DSG1: variants seen among roughly 807,000 people sequenced by gnomAD.
The protein encoded by DSG1 is desmoglein 1.
A neutral mutation model predicts 97.5 loss-of-function variants in DSG1; 39 were observed. The ratio of observed to expected loss-of-function variants is 0.40; its 90% CI spans 0.31 to 0.52. DSG1 has a LOEUF of 0.52. Among genes scored for constraint, DSG1 ranks in the 20% least tolerant of loss-of-function variants. DSG1 has a pLI of 0.53. For missense variants in DSG1, 1,311 were observed against 1,295.4 expected (o/e 1.01, Z -0.18); for synonymous variants, 475 against 443.4 (o/e 1.07, Z -0.90).
intron 9 of DSG1, among the ~76,000 whole-genome samples, chr18:31,337,120 A>G (rs1568043374): frequency 6.6e-6 from 1 of 152,246 alleles, no homozygotes; most frequent in South Asian, 2.1e-4. Flanking sequence ...ATATATGCAG[A>G]TATTTCTACC....
chr18:31,354,346 G>C lies in DSG1; in HGVS notation c.2150G>C (p.Cys717Ser). ...DEDEGRPSND[C>S]LLIYDIEGVG... ...GATGAAGGACGCCCATCTAATGACT[G>C]TTTGCTCATATATGACATCGAAGGT... Residue 717 changes from cysteine (C) to serine (S), a missense_variant, in exon 15 of 15, where the codon TGT becomes TCT. Cys to Ser is a moderately radical substitution (Grantham distance 112, BLOSUM62 -1). Coordinates refer to ENST00000257192, the MANE Select transcript of DSG1 (RefSeq NM_001942.4). 6.2e-7 allele frequency: 1 copy of C among 1,614,226 alleles called. No individual in the cohort carries two copies.
intron 1 of DSG1, 33 bp downstream of exon 1, chr18:31,318,381 C>G: frequency 6.3e-7 from 1 of 1,582,100 alleles, no homozygotes; most frequent in Non-Finnish European, 8.7e-7. Context: ...CCTTCATAAT[C>G]GTGCCCATTG....
chr18:31,341,362 T>G (rs2071787600), intron 11 of DSG1, among the ~76,000 whole-genome samples: 1 of 152,342 alleles, frequency 6.6e-6, no homozygotes, highest in South Asian at 2.1e-4. Context: ...TACTTTCATT[T>G]TTCTTGGCAC....
rs868433988 is a variant in DSG1, at chr18:31,343,494, C to T, written c.1732C>T (p.Arg578Cys). The change falls in exon 12 of 15, where the codon CGT becomes TGT. Residue 578 changes from arginine (R) to cysteine (C), a missense_variant. Physicochemically the swap from Arg to Cys is radical, Grantham distance 180. Transcript: ENST00000257192. ...MICCDCGGAPRSAAGFEPVPE... is the reference protein window; with the variant it reads ...MICCDCGGAPCSAAGFEPVPE... ...CTGTTGTGATTGTGGAGGTGCTCCT[C>T]GTAGTGCAGCTGGCTTTGAGCCTGT... 3.7e-6 allele frequency: 6 copies of T among 1,614,118 alleles called. No homozygotes were observed. In the Admixed American group the frequency reaches 5.0e-5, roughly 13 times the overall value.
intron 11 of DSG1, among the ~76,000 whole-genome samples, chr18:31,342,906 T>A (rs2144106082): frequency 6.6e-6 from 1 of 150,992 alleles, no homozygotes; most frequent in South Asian, 2.1e-4. Context: ...TGATTTTTTT[T>A]TTTTTTTTTT....
chr18:31,354,639 C>T lies in DSG1; in HGVS notation c.2443C>T (p.Pro815Ser), dbSNP rs778980591. 4 of 1,614,166 alleles carry T rather than the reference C, an allele frequency of 2.5e-6. No homozygotes were observed. The highest frequency in any genetic ancestry group is 2.5e-6 in the Non-Finnish European group (3 of 1,180,030). ...CACAGTAATTTCTGAGAGCACCTAT[C>T]CCTCGGGACCTGGTGTACTGCATCC... ...TTTVISESTY[P>S]SGPGVLHPKP... The change falls in exon 15 of 15, where the codon CCC becomes TCC. Residue 815 changes from proline (P) to serine (S), a missense_variant. This residue lies in a region of DSG1 where 1,038 missense variants were observed against 964.6 expected (regional missense o/e 1.08). Transcript: ENST00000257192.
intron 1 of DSG1, among the ~76,000 whole-genome samples, chr18:31,323,539 C>A (rs757555940): frequency 1.3e-5 from 2 of 152,158 alleles, no homozygotes; most frequent in South Asian, 2.1e-4. Context: ...CCTATCACAA[C>A]ACTTCTATGA....
At chr18:31,322,552 A>C (rs1178365633) in intron 1 of DSG1, among the ~76,000 whole-genome samples, 1 of 152,230 alleles carries the variant, frequency 6.6e-6, no homozygotes, top group Non-Finnish European at 1.5e-5. Context: ...AAATTAGAGA[A>C]TTCAACCCAT....
At chr18:31,333,949 G>A (rs2071736048) in intron 7 of DSG1, 68 bp from the exon 8 acceptor site, 1 of 1,238,950 alleles carries the variant, frequency 8.1e-7, no homozygotes, top group Admixed American at 1.7e-5. Flanking sequence ...CAACATTCCA[G>A]TATAAGCCTA....
At position 31,334,153 on chromosome 18, in the gene DSG1, A is replaced by C. The variant is rs770099337; in HGVS notation, c.956A>C (p.Glu319Ala). ...FISGNEGNWF[E>A]IEMNERTNVG... ...TCTGGAAATGAAGGAAATTGGTTTG[A>C]GATAGAAATGAATGAAAGAACAAAT... Residue 319 changes from glutamate (E) to alanine (A), a missense_variant, in exon 8 of 15, where the codon GAG becomes GCG. This residue lies in a region of DSG1 where 1,038 missense variants were observed against 964.6 expected (regional missense o/e 1.08). Transcript: ENST00000257192. 3 of 1,609,036 alleles carry C rather than the reference A, an allele frequency of 1.9e-6. No homozygotes were observed. The East Asian group carries it at 6.7e-5, about 36-fold the overall frequency.
chr18:31,334,829 C>A (rs1383837075), intron 8 of DSG1, among the ~76,000 whole-genome samples: 1 of 152,046 alleles, frequency 6.6e-6, no homozygotes, highest in Non-Finnish European at 1.5e-5. Context: ...TCCACATTTA[C>A]CTGCAGTAAA....
Position 31,355,319 on chromosome 18 carries a change from G to C in DSG1, c.3123G>C (p.Lys1041Asn), listed in dbSNP as rs367940291. 2 of 1,614,072 alleles carry C rather than the reference G, an allele frequency of 1.2e-6. No homozygotes were observed. Among genetic ancestry groups the C allele is most frequent in the African/African-American group, 2.7e-5 (2 of 74,914 alleles). ...GCACAGCTCGAAGTCGAATCACAAA[G>C]TATAGTACCGTGCAATATAGCAAGT... ...SPSTARSRITKYSTVQYSK is the reference protein window; with the variant it reads ...SPSTARSRITNYSTVQYSK Residue 1041 changes from lysine to asparagine, a missense_variant, in exon 15 of 15, where the codon AAG becomes AAC. Transcript: ENST00000257192.
intron 14 of DSG1, among the ~76,000 whole-genome samples, chr18:31,350,839 T>G (rs1314587024): frequency 6.6e-6 from 1 of 151,380 alleles, no homozygotes; most frequent in Non-Finnish European, 1.5e-5. Flanking sequence ...TTTTATTGCA[T>G]CTATTTGATT....
intron 4 of DSG1, 66 bp from the exon 5 acceptor site, chr18:31,329,826 A>G: frequency 2.5e-6 from 4 of 1,570,246 alleles, no homozygotes; most frequent in Non-Finnish European, 1.7e-6. Flanking sequence ...TGCTAGCATA[A>G]TGCTCAAAGT....
rs1228271260 is a variant in DSG1, at chr18:31,356,356, A to G, written c.*1010A>G. On this transcript the variant is annotated 3_prime_UTR_variant, in exon 15 of 15. Transcript: ENST00000257192. ...ATTACATAGCTCTGAAGTTAAAATG[A>G]TTTACATAGGCCGAGCTGTGGACAA... 6.6e-6 allele frequency: 1 copy of G among 151,964 alleles called. No homozygotes were observed. The highest frequency in any genetic ancestry group is 2.4e-5 in the African/African-American group (1 of 41,378). The allele number at this position is 151,964 out of a possible 1,614,324, so 9.4% of individuals were successfully genotyped here.
At position 31,318,568 on chromosome 18, in the gene DSG1, A is replaced by G. The variant is rs11874870; in HGVS notation, c.48+220A>G. On this transcript the variant is annotated intron_variant, in intron 1 of 14. Transcript: ENST00000257192. Reference sequence around the variant, plus strand: ...CCTCAGTGTCAACTCATTGTATTACATCTCTGACACTGAAGTCATTGCTAA... The same window carrying G: ...CCTCAGTGTCAACTCATTGTATTACGTCTCTGACACTGAAGTCATTGCTAA... Among the ~76,000 whole-genome samples, 1,176 of 152,282 alleles carry G rather than the reference A, an allele frequency of 7.7e-3. 16 individuals are homozygous for G. The highest frequency in any genetic ancestry group is 0.027 in the African/African-American group (1,102 of 41,552).
chr18:31,318,192 C>A lies in DSG1; in HGVS notation c.-109C>A. ...CCTCAAAGCCTGCATGTAAGAACATCTACTGAGAAATTATTTTAATCAGAC... is the reference window on the plus strand; with the variant it reads ...CCTCAAAGCCTGCATGTAAGAACATATACTGAGAAATTATTTTAATCAGAC... On this transcript the variant is annotated 5_prime_UTR_variant, in exon 1 of 15. Coordinates refer to ENST00000257192, the MANE Select transcript of DSG1 (RefSeq NM_001942.4). 1 of 978,606 alleles carries A rather than the reference C, an allele frequency of 1.0e-6. No individual in the cohort carries two copies. The highest frequency in any genetic ancestry group is 1.7e-6 in the Non-Finnish European group (1 of 603,712). The allele number at this position is 978,606 out of a possible 1,614,324, so 60.6% of individuals were successfully genotyped here.
rs934792343 is a variant in DSG1 at position 31,333,672 on chromosome 18, C to T, written c.768C>T (p.Asn256=). 3.1e-6 allele frequency: 5 copies of T among 1,613,636 alleles called. No homozygotes were observed. Among genetic ancestry groups the T allele is most frequent in the Non-Finnish European group, 4.2e-6 (5 of 1,179,764 alleles). The stretch of plus-strand genomic sequence containing the variant: ...GCATGTCAGCGGAATGTGAGTGCAA[C>T]ATTAAAATCCTCGATGTCAATGATA... ...ADGMSAECEC[N]IKILDVNDNI... Residue 256 remains asparagine (N), a synonymous_variant, in exon 7 of 15, where the codon AAC becomes AAT. Coordinates refer to ENST00000257192, the MANE Select transcript of DSG1 (RefSeq NM_001942.4).
intron 14 of DSG1, among the ~76,000 whole-genome samples, chr18:31,352,094 G>A (rs1474677241): frequency 6.6e-6 from 1 of 152,028 alleles, no homozygotes; most frequent in Non-Finnish European, 1.5e-5. Flanking sequence ...GCATGATTTT[G>A]CAGCAGCTGG....
Sources: allele counts gnomAD v4.1 joint callset (sites outside exome capture counted in the v4.1 genomes callset), GRCh38; gene constraint gnomAD v4.1.1; regional missense constraint gnomAD v4.1.1; transcripts MANE v1.5; gene names NCBI Gene and HGNC (gene_info 2026-07-23, HGNC 2026-07-21).